STIM1: variants seen among roughly 807,000 people sequenced by gnomAD.
STIM1 encodes stromal interaction molecule 1.
STIM1 carries 25 observed loss-of-function variants against 74.7 expected under a neutral mutation model. The ratio of observed to expected loss-of-function variants is 0.33; its 90% CI spans 0.24 to 0.47. The LOEUF is 0.47. Ranked by LOEUF, STIM1 falls within the 20% of genes least tolerant of loss-of-function variation. The pLI, the probability that STIM1 is intolerant of heterozygous loss-of-function variation, is 1.00. For synonymous variants in STIM1, 328 were observed against 348.8 expected (o/e 0.94, Z 0.66); for missense variants, 728 against 920.8 (o/e 0.79, Z 2.71).
At chr11:3,899,948 T>G (rs1317227469) in intron 1 of STIM1, among the ~76,000 whole-genome samples, 2 of 152,140 alleles carry the variant, frequency 1.3e-5, no homozygotes, top group African/African-American at 2.4e-5. Flanking sequence ...TTTGCATCAA[T>G]GTTCATCAAG....
chr11:3,966,063 T>G lies in STIM1; in HGVS notation c.140-1489T>G, dbSNP rs2093338048. Reference sequence around the variant, plus strand: ...AAAAAAAACCCCATTTCTTCAATGTTCTTCTTGCCCATATTATCACCTGTG... The same window carrying G: ...AAAAAAAACCCCATTTCTTCAATGTGCTTCTTGCCCATATTATCACCTGTG... On this transcript the variant is annotated intron_variant, in intron 1 of 12. Coordinates refer to ENST00000526596, the MANE Select transcript of STIM1 (RefSeq NM_001382567.1). Among the ~76,000 whole-genome samples, 22 of 152,226 alleles carry G rather than the reference T, an allele frequency of 1.4e-4. 1 individual carries two copies. In the South Asian group the frequency reaches 4.6e-3, roughly 32 times the overall value.
intron 5 of STIM1, among the ~76,000 whole-genome samples, chr11:4,067,129 C>A (rs767281616): frequency 2.6e-5 from 4 of 152,198 alleles, no homozygotes; most frequent in Non-Finnish European, 5.9e-5. Flanking sequence ...CCTACACGTT[C>A]GATCTCGTTA....
At position 4,091,266 on chromosome 11, in the gene STIM1, G is replaced by A. The variant is rs752861721; in HGVS notation, c.1635-16G>A. On this transcript the variant is annotated splice_polypyrimidine_tract_variant and intron_variant, in intron 12 of 12. Transcript: ENST00000526596. ...AATATATGTCCCTTTCTTCCTCTCT[G>A]CCCCATGTCTTGCAGGGATTTGACC... 3 of 1,613,772 alleles carry A rather than the reference G, an allele frequency of 1.9e-6. No homozygotes were observed. The South Asian group carries it at 3.3e-5, about 18-fold the overall frequency.
intron 2 of STIM1, among the ~76,000 whole-genome samples, chr11:3,976,734 T>C (rs1490556636): frequency 3.9e-5 from 6 of 152,042 alleles, no homozygotes. Flanking sequence ...GCTCAAGAAA[T>C]CCTCCTGCCT....
intron 1 of STIM1, among the ~76,000 whole-genome samples, chr11:3,909,890 C>T (rs952162793): frequency 2.0e-5 from 3 of 151,836 alleles, no homozygotes; most frequent in Non-Finnish European, 4.4e-5. Flanking sequence ...ATTAGAATGG[C>T]ACCCAGAGGG....
intron 7 of STIM1, among the ~76,000 whole-genome samples, chr11:4,077,558 C>T (rs1392900947): frequency 6.6e-6 from 1 of 152,122 alleles, no homozygotes; most frequent in Non-Finnish European, 1.5e-5. Flanking sequence ...ATATAGAACA[C>T]TTTGCCTAAC....
intron 2 of STIM1, among the ~76,000 whole-genome samples, chr11:3,981,607 G>C (rs1372933153): frequency 6.6e-6 from 1 of 152,218 alleles, no homozygotes; most frequent in Non-Finnish European, 1.5e-5. Context: ...TTGGACTTGT[G>C]AGTTCCCTGT....
At chr11:3,987,215 C>A (rs980835097) in intron 2 of STIM1, among the ~76,000 whole-genome samples, 1 of 152,208 alleles carries the variant, frequency 6.6e-6, no homozygotes, top group African/African-American at 2.4e-5. Flanking sequence ...TATGAAGCAT[C>A]TTCTACATAC....
intron 1 of STIM1, among the ~76,000 whole-genome samples, chr11:3,938,258 C>T (rs2092960727): frequency 6.6e-6 from 1 of 152,126 alleles, no homozygotes; most frequent in African/African-American, 2.4e-5. Flanking sequence ...ATTCTAATAG[C>T]ATTGAACTTC....
chr11:3,919,301 G>T (rs2092689189), intron 1 of STIM1, among the ~76,000 whole-genome samples: 1 of 152,150 alleles, frequency 6.6e-6, no homozygotes, highest in Admixed American at 6.5e-5. Flanking sequence ...TGCCTCCCGG[G>T]TTCAAGTGAT....
At chr11:3,964,050 A>C (rs564188778) in intron 1 of STIM1, among the ~76,000 whole-genome samples, 4 of 152,372 alleles carry the variant, frequency 2.6e-5, no homozygotes, top group African/African-American at 9.6e-5. Context: ...ATTTTTAAAA[A>C]GTCTGTGCAG....
chr11:3,889,081 G>A (rs1264763675), intron 1 of STIM1, among the ~76,000 whole-genome samples: 1 of 149,962 alleles, frequency 6.7e-6, no homozygotes, highest in African/African-American at 2.5e-5. Flanking sequence ...ATCCAGGAGT[G>A]TTCTTGGGAG....
rs1027836784 is a variant in STIM1, at chr11:4,082,929, C to T, written c.1185C>T (p.His395=). Residue 395 remains histidine, a synonymous_variant, in exon 9 of 13, where the codon CAC becomes CAT. Transcript: ENST00000526596. The stretch of plus-strand genomic sequence containing the variant: ...GAAACACACTCTTTGGCACCTTCCA[C>T]GTGGCCCACAGCTCTTCCCTGGATG... ...KKRNTLFGTF[H]VAHSSSLDDV... is the part of the protein sequence containing the mutation. 10 of 1,614,058 alleles carry T rather than the reference C, an allele frequency of 6.2e-6. No homozygotes were observed. The highest frequency in any genetic ancestry group is 2.7e-5 in the African/African-American group (2 of 74,914).
At chr11:3,996,937 C>G (rs1379291897) in intron 2 of STIM1, among the ~76,000 whole-genome samples, 1 of 152,226 alleles carries the variant, frequency 6.6e-6, no homozygotes, top group Non-Finnish European at 1.5e-5. Context: ...AGAAGATAAT[C>G]TCTTTCCTCT....
Position 4,083,323 on chromosome 11 carries a change from C to T in STIM1, c.1299C>T (p.Ile433=), listed in dbSNP as rs200738706. The part of the protein sequence containing the change: ...LRERLHRWQQ[I]EILCGFQIVN... ...AGCGCCTGCACCGCTGGCAACAGAT[C>T]GAGATCCTCTGTGGCTTCCAGATTG... Residue 433 remains isoleucine (I), a synonymous_variant, in exon 10 of 13, where the codon ATC becomes ATT. Coordinates refer to ENST00000526596, the MANE Select transcript of STIM1 (RefSeq NM_001382567.1). The T allele has an allele frequency of 4.8e-5, 78 of 1,614,112 alleles. No individual in the cohort carries two copies. The highest frequency in any genetic ancestry group is 5.9e-5 in the Non-Finnish European group (70 of 1,180,046).
rs548615598 is a variant in STIM1 at position 4,015,977 on chromosome 11, A to G, written c.271-7896A>G. The stretch of plus-strand genomic sequence containing the variant: ...TTTCAAGGATTTTAGCTTCCTTGCA[A>G]TGGGTTAGAACATGCTCCTTTAGGT... On this transcript the variant is annotated intron_variant, in intron 2 of 12. Transcript: ENST00000526596. 7.2e-5 allele frequency among the ~76,000 whole-genome samples: 11 copies of G among 152,226 alleles called. No homozygotes were observed. In the South Asian group the frequency reaches 1.2e-3, roughly 17 times the overall value.
chr11:4,002,697 C>G (rs1221947603), intron 2 of STIM1, among the ~76,000 whole-genome samples: 2 of 150,280 alleles, frequency 1.3e-5, no homozygotes, highest in East Asian at 3.9e-4. Context: ...CAAGAGCAAA[C>G]ACATTCAAAA....
At chr11:4,089,108 T>C in intron 12 of STIM1, 1 of 278,538 alleles carries the variant, frequency 3.6e-6, no homozygotes, top group South Asian at 4.0e-5. Context: ...TGGTGGCACA[T>C]GCCTGTGGTC....
At chr11:3,988,774 G>T (rs746924833) in intron 2 of STIM1, among the ~76,000 whole-genome samples, 1 of 152,194 alleles carries the variant, frequency 6.6e-6, no homozygotes, top group African/African-American at 2.4e-5. Context: ...CATGGGAATA[G>T]AAGTAATTTA....
Sources: allele counts gnomAD v4.1 joint callset (sites outside exome capture counted in the v4.1 genomes callset), GRCh38; gene constraint gnomAD v4.1.1; transcripts MANE v1.5; gene names NCBI Gene and HGNC (gene_info 2026-07-23, HGNC 2026-07-21).